The following ETV6 variants were observed in gnomAD, a reference collection of about 807,000 sequenced individuals.
ETV6 encodes the protein transcription factor ETV6.
Under a neutral mutation model 51.1 loss-of-function variants are expected in ETV6, and 16 were observed. The observed-to-expected ratio is 0.31, with a 90% CI of 0.21 to 0.48. The LOEUF (loss-of-function observed/expected upper bound fraction) is 0.48. Ranked by LOEUF, ETV6 falls within the 20% of genes least tolerant of loss-of-function variation. ETV6 has a pLI of 0.99. For synonymous variants in ETV6, 240 were observed against 224.1 expected (o/e 1.07, Z -0.64); for missense variants, 458 against 594.8 (o/e 0.77, Z 2.39).
In ETV6 at chr12:11,734,660, A is replaced by C. The variant is rs540534615; in HGVS notation, c.34-17790A>C. Among the ~76,000 whole-genome samples the C allele has an allele frequency of 3.2e-4, 49 of 152,278 alleles. No individual in the cohort carries two copies. The South Asian group carries it at 9.1e-3, about 28-fold the overall frequency. On this transcript the variant is annotated intron_variant, in intron 1 of 7. Coordinates refer to ENST00000396373, the MANE Select transcript of ETV6 (RefSeq NM_001987.5). Reference sequence around the variant, plus strand: ...TTAAGCTTTTTATGCTCCAGGCACTATGCAAAATTGTAGGGCATTATCTCC... The same window carrying C: ...TTAAGCTTTTTATGCTCCAGGCACTCTGCAAAATTGTAGGGCATTATCTCC...
In ETV6 at chr12:11,799,580, C is replaced by A. The variant is rs578061792; in HGVS notation, c.164-39560C>A. On this transcript the variant is annotated intron_variant, in intron 2 of 7. Transcript: ENST00000396373. The stretch of plus-strand genomic sequence containing the variant: ...TTAGGGAAACGTTATGGAACTGTTA[C>A]GAAAAAAGAGGTTAATAAATCCAAT... 2.0e-5 allele frequency among the ~76,000 whole-genome samples: 3 copies of A among 152,064 alleles called. No individual in the cohort carries two copies. The East Asian group carries it at 5.8e-4, about 29-fold the overall frequency.
At chr12:11,713,958 C>A (rs1865221378) in intron 1 of ETV6, among the ~76,000 whole-genome samples, 1 of 152,164 alleles carries the variant, frequency 6.6e-6, no homozygotes, top group African/African-American at 2.4e-5. Context: ...CCTTACTTCC[C>A]AGAGGATGTG....
chr12:11,786,828 C>T (rs1375478403), intron 2 of ETV6, among the ~76,000 whole-genome samples: 1 of 152,174 alleles, frequency 6.6e-6, no homozygotes. Flanking sequence ...GGAAATGGCT[C>T]ATATCAAGAG....
intron 1 of ETV6, among the ~76,000 whole-genome samples, chr12:11,718,317 C>T (rs569791962): frequency 6.6e-6 from 1 of 152,272 alleles, no homozygotes; most frequent in African/African-American, 2.4e-5. Flanking sequence ...GGCACAGCTT[C>T]CCAGACTTAC....
Position 11,869,696 on chromosome 12 carries a change from C to T in ETV6, c.736C>T (p.Pro246Ser). 1 of 1,614,106 alleles carries T rather than the reference C, an allele frequency of 6.2e-7. No homozygotes were observed. Among genetic ancestry groups the T allele is most frequent in the South Asian group, 1.1e-5 (1 of 91,080 alleles). Residue 246 changes from proline (P) to serine (S), a missense_variant, in exon 5 of 8, where the codon CCA (proline) becomes TCA (serine). Physicochemically the swap from Pro to Ser is moderately conservative, Grantham distance 74 (BLOSUM62 -1). This residue lies in a region of ETV6 where 293 missense variants were observed against 315.7 expected (regional missense o/e 0.93). Coordinates refer to ENST00000396373, the MANE Select transcript of ETV6 (RefSeq NM_001987.5). This position sits in a 1 kb window ranked among gnomAD's most constrained non-coding sequence, Gnocchi z 5.0. ...GTCTCCCATGGAGAATAATCACTGC[C>T]CAGCGTCCTCCGAGTCCCACCCGAA... is the stretch of plus-strand genomic sequence containing the variant. ...SVSPMENNHC[P>S]ASSESHPKPS...
chr12:11,739,092 G>C (rs546039805), intron 1 of ETV6, among the ~76,000 whole-genome samples: 1 of 152,260 alleles, frequency 6.6e-6, no homozygotes, highest in African/African-American at 2.4e-5. Flanking sequence ...GAGAGAGACA[G>C]AGAAGACTTA....
chr12:11,657,018 G>T (rs759025233), intron 1 of ETV6, among the ~76,000 whole-genome samples: 1 of 151,774 alleles, frequency 6.6e-6, no homozygotes, highest in Admixed American at 6.6e-5. Context: ...GACCCAACTC[G>T]CCTGTTCTAA....
At chr12:11,671,373 T>C (rs906900470) in intron 1 of ETV6, among the ~76,000 whole-genome samples, 1 of 152,220 alleles carries the variant, frequency 6.6e-6, no homozygotes, top group Non-Finnish European at 1.5e-5. Flanking sequence ...ATTCAGAAGA[T>C]AGTCATTAGA....
At chr12:11,888,120 C>T (rs543387588) in intron 7 of ETV6, among the ~76,000 whole-genome samples, 45 of 152,338 alleles carry the variant, frequency 3.0e-4, no homozygotes, top group African/African-American at 1.0e-3. Flanking sequence ...CACTCAACAA[C>T]GTCTTTCTGT....
intron 2 of ETV6, among the ~76,000 whole-genome samples, chr12:11,830,816 G>A (rs1946232613): frequency 6.6e-6 from 1 of 152,202 alleles, no homozygotes; most frequent in Non-Finnish European, 1.5e-5. Context: ...CCAGAAGGTG[G>A]AAGATGCATT....
At chr12:11,829,361 A>G (rs894281372) in intron 2 of ETV6, among the ~76,000 whole-genome samples, 1 of 152,210 alleles carries the variant, frequency 6.6e-6, no homozygotes, top group Non-Finnish European at 1.5e-5. Context: ...TTGCCCTAAG[A>G]GGTAAGTACT....
intron 2 of ETV6, among the ~76,000 whole-genome samples, chr12:11,823,564 G>A (rs527411671): frequency 6.6e-6 from 1 of 151,230 alleles, no homozygotes; most frequent in Admixed American, 6.6e-5. Context: ...CCTCCCAGGT[G>A]GAAATGATTC....
At chr12:11,839,461 AT>A (rs1254170900) in intron 3 of ETV6, among the ~76,000 whole-genome samples, 157 bp downstream of exon 3, 12 of 152,256 alleles carry the variant, frequency 7.9e-5, no homozygotes, top group Non-Finnish European at 1.8e-4. Flanking sequence ...TTATGCTAGC[AT>A]GAGCCAGTTT....
At chr12:11,747,282 TA>T (rs1591646361) in intron 1 of ETV6, among the ~76,000 whole-genome samples, 1 of 152,152 alleles carries the variant, frequency 6.6e-6, no homozygotes, top group Middle Eastern at 3.2e-3. Context: ...TTGTAAAAAT[TA>T]ATGGCTTAGC....
At chr12:11,683,227 A>G (rs1864565748) in intron 1 of ETV6, among the ~76,000 whole-genome samples, 1 of 152,176 alleles carries the variant, frequency 6.6e-6, no homozygotes, top group Non-Finnish European at 1.5e-5. Flanking sequence ...TATTTTTAGT[A>G]GAGACGGGGT....
At chr12:11,660,598 C>CAAAAAA (rs3983865) in intron 1 of ETV6, among the ~76,000 whole-genome samples, 2 of 106,446 alleles carry the variant, frequency 1.9e-5, no homozygotes, top group Non-Finnish European at 3.6e-5. Flanking sequence ...GACTCTGTCT[C>CAAAAAA]AAAAAAAAAA....
intron 5 of ETV6, among the ~76,000 whole-genome samples, chr12:11,870,847 T>C (rs1020088604): frequency 6.6e-6 from 1 of 152,184 alleles, no homozygotes; most frequent in African/African-American, 2.4e-5. Flanking sequence ...GTCAGCCCCA[T>C]TTCCCATTCA....
At chr12:11,863,791 AGAGGCGGCAG>A (rs1946751750) in intron 4 of ETV6, among the ~76,000 whole-genome samples, 1 of 152,216 alleles carries the variant, frequency 6.6e-6, no homozygotes, top group Admixed American at 6.5e-5. Flanking sequence ...TTATAATAAC[AGAGGCGGCAG>A]GCAGCAGGCT....
intron 2 of ETV6, among the ~76,000 whole-genome samples, chr12:11,770,041 ATCCTT>A (rs796838575): frequency 1.7e-4 from 26 of 152,362 alleles, no homozygotes; most frequent in African/African-American, 5.8e-4. Flanking sequence ...GGAATTCACC[ATCCTT>A]TCCTTTCAAT....
Sources: allele counts gnomAD v4.1 joint callset (sites outside exome capture counted in the v4.1 genomes callset), GRCh38; gene constraint gnomAD v4.1.1; regional missense constraint gnomAD v4.1.1; non-coding constraint Gnocchi (gnomAD v3.1); transcripts MANE v1.5; gene names NCBI Gene and HGNC (gene_info 2026-07-23, HGNC 2026-07-21).